Variants in PTPRT observed in about 807,000 individuals in gnomAD.
PTPRT encodes the protein protein tyrosine phosphatase receptor type T.
A neutral mutation model predicts 176.8 loss-of-function variants in PTPRT; 56 were observed. That is an observed-to-expected ratio of 0.32 (90% CI 0.26 to 0.40). The LOEUF is 0.40. PTPRT is among the 10% of genes least tolerant of loss of function. The pLI, the probability that PTPRT is intolerant of heterozygous loss-of-function variation, is 1.00. For missense variants in PTPRT, 1,540 were observed against 1,908.2 expected (o/e 0.81, Z 3.60); for synonymous variants, 783 against 739.0 (o/e 1.06, Z -0.96).
chr20:42,866,431 C>T (rs544227338), intron 2 of PTPRT, among the ~76,000 whole-genome samples: 6 of 152,224 alleles, frequency 3.9e-5, no homozygotes, highest in Non-Finnish European at 5.9e-5. Context: ...TTGAGCTCAC[C>T]GATACCTCCA....
chr20:42,295,412 C>T (rs2057373194), intron 12 of PTPRT, among the ~76,000 whole-genome samples: 1 of 152,098 alleles, frequency 6.6e-6, no homozygotes, highest in Admixed American at 6.5e-5. Flanking sequence ...TTTCAACATT[C>T]AAAAAGCCAG....
chr20:42,236,274 C>T lies in PTPRT; in HGVS notation c.2313-16G>A, dbSNP rs747064234. On this transcript the variant is annotated splice_polypyrimidine_tract_variant and intron_variant, in intron 14 of 30. Transcript: ENST00000373187. ...AGCATTTCTTCTATATATTGATGGGCAGTCAGATGAAGGAAATGTCCAAAA... is the reference window on the plus strand; with the variant it reads ...AGCATTTCTTCTATATATTGATGGGTAGTCAGATGAAGGAAATGTCCAAAA... 1.3e-6 allele frequency: 2 copies of T among 1,580,832 alleles called. No homozygotes were observed. The highest frequency in any genetic ancestry group is 2.2e-5 in the East Asian group (1 of 44,524).
At chr20:42,503,724 GTTAT>G (rs1420249739) in intron 7 of PTPRT, among the ~76,000 whole-genome samples, 1 of 151,908 alleles carries the variant, frequency 6.6e-6, no homozygotes, top group Non-Finnish European at 1.5e-5. Flanking sequence ...TTATTTACTA[GTTAT>G]TTGTCTACTT....
intron 1 of PTPRT, among the ~76,000 whole-genome samples, chr20:43,180,341 A>ATCTCTCTCTCTCTCTCTC (rs71193679): frequency 0.03 from 3,413 of 114,872 alleles, 199 homozygotes; most frequent in African/African-American, 0.041. Flanking sequence ...AAATGAATCA[A>ATCTCTCTCTCTCTCTCTC]TCTCTCTCTC....
intron 16 of PTPRT, among the ~76,000 whole-genome samples, chr20:42,188,631 A>G (rs1600652362): frequency 6.6e-6 from 1 of 152,132 alleles, no homozygotes; most frequent in South Asian, 2.1e-4. Context: ...AGGGGGGGAA[A>G]TTGGTCTCTA....
At chr20:42,677,098 G>T (rs1434659926) in intron 7 of PTPRT, among the ~76,000 whole-genome samples, 1 of 152,142 alleles carries the variant, frequency 6.6e-6, no homozygotes, top group Non-Finnish European at 1.5e-5. Context: ...GCCTCCAGGG[G>T]ATACAGAGGC....
intron 15 of PTPRT, among the ~76,000 whole-genome samples, chr20:42,203,643 A>G (rs2055379404): frequency 6.6e-6 from 1 of 152,234 alleles, no homozygotes; most frequent in African/African-American, 2.4e-5. Flanking sequence ...TCCATTGAAC[A>G]TGTACATGTA....
At chr20:43,106,855 A>T (rs1186190403) in intron 1 of PTPRT, among the ~76,000 whole-genome samples, 15 of 151,936 alleles carry the variant, frequency 9.9e-5, no homozygotes. Flanking sequence ...CAATGGCATG[A>T]TCTTCACTCA....
At chr20:43,090,558 G>T (rs190589906) in intron 1 of PTPRT, among the ~76,000 whole-genome samples, 1 of 152,110 alleles carries the variant, frequency 6.6e-6, no homozygotes, top group Middle Eastern at 3.4e-3. Context: ...GTGAGCCACC[G>T]CGCCCAGCCA....
rs1212759746 is a variant in PTPRT at position 42,618,466 on chromosome 20, G to A, written c.1153+59400C>T. On this transcript the variant is annotated intron_variant, in intron 7 of 30. Transcript: ENST00000373187. Reference sequence around the variant, plus strand: ...TAGATGTCTATTAGGTCCGCTTGGTGCAGAGCTGAGTTCAATTCCTGGGTA... The same window carrying A: ...TAGATGTCTATTAGGTCCGCTTGGTACAGAGCTGAGTTCAATTCCTGGGTA... 8.9e-5 allele frequency among the ~76,000 whole-genome samples: 12 copies of A among 135,384 alleles called. 1 individual carries two copies. 88.8% of individuals were successfully genotyped at this position (135,384 alleles called of 152,430 possible). A position where few individuals can be genotyped will look rare whatever the true frequency, so the allele number is the denominator to read the frequency against.
intron 7 of PTPRT, among the ~76,000 whole-genome samples, chr20:42,661,247 G>T (rs2075218372): frequency 6.6e-6 from 1 of 152,096 alleles, no homozygotes; most frequent in Admixed American, 6.5e-5. Flanking sequence ...CATGTAAAGG[G>T]CAATGATGAG....
chr20:42,122,936 C>T (rs1031771311), intron 19 of PTPRT, among the ~76,000 whole-genome samples: 2 of 152,184 alleles, frequency 1.3e-5, no homozygotes, highest in Admixed American at 6.5e-5. Context: ...TTGAAATATG[C>T]TCTCCTCTGG....
At chr20:43,178,305 C>T (rs1163345389) in intron 1 of PTPRT, among the ~76,000 whole-genome samples, 1 of 152,136 alleles carries the variant, frequency 6.6e-6, no homozygotes, top group Non-Finnish European at 1.5e-5. Flanking sequence ...TGGCTTTGTG[C>T]CTGGCTTCTT....
intron 1 of PTPRT, among the ~76,000 whole-genome samples, chr20:42,994,841 A>G (rs1326051469): frequency 6.6e-6 from 1 of 152,204 alleles, no homozygotes; most frequent in Non-Finnish European, 1.5e-5. Flanking sequence ...TCTGAGAAAC[A>G]TCCTACAGCA....
intron 7 of PTPRT, among the ~76,000 whole-genome samples, chr20:42,668,516 T>C (rs967328244): frequency 7.2e-5 from 11 of 152,144 alleles, no homozygotes; most frequent in African/African-American, 2.7e-4. Context: ...TCTGGGATTA[T>C]GAATTATAGG....
intron 9 of PTPRT, among the ~76,000 whole-genome samples, chr20:42,392,832 A>G (rs1312909717): frequency 1.3e-5 from 2 of 152,224 alleles, no homozygotes; most frequent in Non-Finnish European, 2.9e-5. Flanking sequence ...TGCTAGGTTC[A>G]TGGCTGAGGC....
intron 7 of PTPRT, among the ~76,000 whole-genome samples, chr20:42,511,957 C>A (rs1230999250): frequency 1.3e-5 from 2 of 152,084 alleles, no homozygotes; most frequent in Non-Finnish European, 2.9e-5. Context: ...CAAGGAACAA[C>A]ATTCCAAAGG....
chr20:42,979,970 T>G (rs1167290925), intron 1 of PTPRT, among the ~76,000 whole-genome samples: 8 of 44,386 alleles, frequency 1.8e-4, no homozygotes, highest in African/African-American at 7.9e-4. Flanking sequence ...CATGCAAGTA[T>G]GCCGGCCGGG....
At chr20:42,797,302 A>G (rs913543857) in intron 2 of PTPRT, among the ~76,000 whole-genome samples, 1 of 152,154 alleles carries the variant, frequency 6.6e-6, no homozygotes, top group African/African-American at 2.4e-5. Context: ...TTTATTTTGC[A>G]ACGACTTCCT....
Sources: gnomAD v4.1 joint callset for allele counts (sites outside exome capture counted in the v4.1 genomes callset) on GRCh38, gnomAD v4.1.1 for gene constraint, MANE v1.5 for transcripts, NCBI Gene and HGNC (gene_info 2026-07-23, HGNC 2026-07-21) for gene names.